Variants in TRMT11 observed in about 807,000 individuals in gnomAD.
TRMT11 encodes tRNA (guanine(10)-N(2))-methyltransferase TRMT11.
Under a neutral mutation model 62.8 loss-of-function variants are expected in TRMT11, and 53 were observed. The ratio of observed to expected loss-of-function variants is 0.84; its 90% CI spans 0.68 to 1.06. The LOEUF (loss-of-function observed/expected upper bound fraction) is 1.06, where lower values mean the gene tolerates loss of function less well. TRMT11 is among the 50% of genes least tolerant of loss of function. TRMT11 has a pLI of 0.00. For synonymous variants in TRMT11, 188 were observed against 190.3 expected, an observed-to-expected ratio of 0.99 and a Z score of 0.10; for missense variants, 556 against 553.4, an observed-to-expected ratio of 1.00 and a Z score of -0.05.
At chr6:126,067,045 T>A (rs1776713856) in intron 17 of TRMT11, among the ~76,000 whole-genome samples, 1 of 151,770 alleles carries the variant, frequency 6.6e-6, no homozygotes, top group South Asian at 2.1e-4. Flanking sequence ...CTGACCAACA[T>A]GGTGAAACCC....
At chr6:126,235,008 G>A in the TRMT11 span, among the ~76,000 whole-genome samples, 1 of 151,994 alleles carries the variant, frequency 6.6e-6, no homozygotes, top group Non-Finnish European at 1.5e-5. Context: ...AATTTACAAG[G>A]AATAATGAAC....
chr6:126,183,496 T>C (rs971720277), intron 1 of TRMT11, among the ~76,000 whole-genome samples: 1 of 151,954 alleles, frequency 6.6e-6, no homozygotes, highest in African/African-American at 2.4e-5. Flanking sequence ...ATCTGAACAG[T>C]TGGAGTAAAG....
intron 21 of TRMT11, among the ~76,000 whole-genome samples, chr6:126,169,368 A>G (rs1778304108): frequency 6.6e-6 from 1 of 152,212 alleles, no homozygotes; most frequent in Non-Finnish European, 1.5e-5. Flanking sequence ...TGGTCAGTGG[A>G]AATATGTAAT....
intron 17 of TRMT11, among the ~76,000 whole-genome samples, chr6:126,100,801 T>C (rs1324211316): frequency 6.6e-6 from 1 of 152,192 alleles, no homozygotes; most frequent in Non-Finnish European, 1.5e-5. Context: ...TTGTAATATA[T>C]AATGAAATAA....
rs141476233 is a variant in TRMT11, at chr6:126,047,897, A to G, written c.*1370-5226A>G. On this transcript the variant is annotated intron_variant and NMD_transcript_variant, in intron 16 of 22. Transcript: ENST00000648977. The stretch of plus-strand genomic sequence containing the variant: ...TAGCCTGCTGTTCCCTTTTTGGAGT[A>G]GATCAAACAGACCTCATGACTACTA... Among the ~76,000 whole-genome samples, 495 of 152,368 alleles carry G rather than the reference A, an allele frequency of 3.2e-3. 3 individuals carry two copies. The highest frequency in any genetic ancestry group is 0.011 in the African/African-American group (473 of 41,602).
At chr6:126,195,045 G>A (rs979394738) in intron 1 of TRMT11, among the ~76,000 whole-genome samples, 2 of 152,186 alleles carry the variant, frequency 1.3e-5, no homozygotes, top group Admixed American at 6.5e-5. Flanking sequence ...GAAACCAGGA[G>A]TTTGAGGGTG....
intron 12 of TRMT11, among the ~76,000 whole-genome samples, chr6:126,037,648 C>CA (rs1216594225): frequency 6.6e-6 from 1 of 151,754 alleles, no homozygotes; most frequent in Non-Finnish European, 1.5e-5. Context: ...ATATATGTGG[C>CA]AAAAACAGTT....
At chr6:126,076,561 T>TA (rs998531231) in intron 17 of TRMT11, among the ~76,000 whole-genome samples, 1 of 152,160 alleles carries the variant, frequency 6.6e-6, no homozygotes, top group Non-Finnish European at 1.5e-5. Context: ...AACTTGCAAA[T>TA]AAAAAAGATG....
the TRMT11 span, among the ~76,000 whole-genome samples, chr6:126,235,396 A>C: frequency 3.3e-5 from 5 of 152,356 alleles, no homozygotes; most frequent in Middle Eastern, 3.4e-3. Flanking sequence ...ACAAAGGTAC[A>C]TGTACGCATA....
intron 1 of TRMT11, among the ~76,000 whole-genome samples, chr6:125,990,833 A>G (rs1042766739): frequency 2.0e-5 from 3 of 152,134 alleles, no homozygotes; most frequent in African/African-American, 7.2e-5. Flanking sequence ...ACTGTTTTTT[A>G]CACTTTACAT....
chr6:126,018,252 A>T (rs1179099597), intron 11 of TRMT11, among the ~76,000 whole-genome samples: 1 of 152,194 alleles, frequency 6.6e-6, no homozygotes, highest in Non-Finnish European at 1.5e-5. Context: ...ATAATGAGTG[A>T]AGAGAACATG....
chr6:126,129,705 T>A (rs1162172427), intron 21 of TRMT11, among the ~76,000 whole-genome samples: 2 of 152,036 alleles, frequency 1.3e-5, no homozygotes, highest in African/African-American at 2.4e-5. Context: ...AAATTTTTTT[T>A]ATGTAGAACG....
chr6:126,271,610 A>G, the TRMT11 span, among the ~76,000 whole-genome samples: 1 of 152,082 alleles, frequency 6.6e-6, no homozygotes, highest in Non-Finnish European at 1.5e-5. Flanking sequence ...CCATATTTAC[A>G]TCTGTCTAAA....
chr6:126,027,752 G>T (rs1773456053), intron 12 of TRMT11, among the ~76,000 whole-genome samples: 1 of 152,174 alleles, frequency 6.6e-6, no homozygotes. Flanking sequence ...TTGAATGAAA[G>T]AGTCCAGTAA....
At chr6:126,197,725 G>A (rs937020754) in intron 1 of TRMT11, among the ~76,000 whole-genome samples, 1 of 152,132 alleles carries the variant, frequency 6.6e-6, no homozygotes. Flanking sequence ...CTAAGAGATA[G>A]GAATGCAATA....
chr6:126,015,220 T>C lies in TRMT11; in HGVS notation c.1139+2119T>C, dbSNP rs192451745. ...TACCTCCCCCCGACTCCTGCACATA[T>C]CTATTATCACTAATCTTTTTTTTGA... On this transcript the variant is annotated intron_variant, in intron 11 of 12. Coordinates refer to ENST00000334379, the MANE Select transcript of TRMT11 (RefSeq NM_001031712.3). 2.9e-3 allele frequency among the ~76,000 whole-genome samples: 436 copies of C among 151,852 alleles called. 1 individual carries two copies. Among genetic ancestry groups the C allele is most frequent in the African/African-American group, 9.9e-3 (406 of 41,190 alleles).
chr6:126,241,775 G>T, the TRMT11 span, among the ~76,000 whole-genome samples: 1 of 152,118 alleles, frequency 6.6e-6, no homozygotes, highest in Non-Finnish European at 1.5e-5. Context: ...CAATAAATTA[G>T]GTATTGTTGG....
chr6:126,224,877 G>A, the TRMT11 span, among the ~76,000 whole-genome samples: 3 of 152,194 alleles, frequency 2.0e-5, no homozygotes, highest in East Asian at 1.9e-4. Flanking sequence ...CGTGCTGGTC[G>A]GGGCCCATCT....
the TRMT11 span, among the ~76,000 whole-genome samples, chr6:126,247,646 C>G: frequency 6.7e-6 from 1 of 149,302 alleles, no homozygotes. Flanking sequence ...GAATATGATG[C>G]CTGAAAATAA....
Sources: gnomAD v4.1 joint callset for allele counts (sites outside exome capture counted in the v4.1 genomes callset) on GRCh38, gnomAD v4.1.1 for gene constraint, MANE v1.5 for transcripts, NCBI Gene and HGNC (gene_info 2026-07-23, HGNC 2026-07-21) for gene names.